Variants in GALNT13 observed in about 807,000 individuals in gnomAD.
The protein encoded by GALNT13 is polypeptide N-acetylgalactosaminyltransferase 13.
Under a neutral mutation model 64.2 loss-of-function variants are expected in GALNT13, and 28 were observed. That is an observed-to-expected ratio of 0.44 (90% CI 0.32 to 0.60). GALNT13 has a LOEUF of 0.60. Ranked by LOEUF, GALNT13 falls within the 20% of genes least tolerant of loss-of-function variation. The pLI is 0.05. For missense variants in GALNT13, 577 were observed against 669.8 expected (o/e 0.86, Z 1.53); for synonymous variants, 214 against 224.6 (o/e 0.95, Z 0.42).
the GALNT13 span, among the ~76,000 whole-genome samples, chr2:153,611,749 T>A: frequency 1.3e-5 from 2 of 149,652 alleles, no homozygotes; most frequent in African/African-American, 2.5e-5. Flanking sequence ...GCAGGTTTGT[T>A]ACATAGGTAT....
chr2:154,389,463 A>T (rs2105348483), intron 9 of GALNT13, among the ~76,000 whole-genome samples: 1 of 152,306 alleles, frequency 6.6e-6, no homozygotes, highest in East Asian at 1.9e-4. Context: ...GAATAAAAAT[A>T]ATTTCCCTTT....
chr2:153,661,225 T>G, the GALNT13 span, among the ~76,000 whole-genome samples: 2 of 152,138 alleles, frequency 1.3e-5, no homozygotes, highest in Non-Finnish European at 2.9e-5. Flanking sequence ...TCACGGAATA[T>G]TATCTTGGCT....
the GALNT13 span, among the ~76,000 whole-genome samples, chr2:153,414,267 C>G: frequency 6.6e-6 from 1 of 151,744 alleles, no homozygotes; most frequent in Non-Finnish European, 1.5e-5. Flanking sequence ...CCCAGCTATT[C>G]AGGAGGCTGA....
At chr2:154,043,169 A>G (rs1699079196) in intron 3 of GALNT13, among the ~76,000 whole-genome samples, 1 of 152,000 alleles carries the variant, frequency 6.6e-6, no homozygotes, top group South Asian at 2.1e-4. Context: ...GTAATGGGTG[A>G]GCACTTGGTA....
intron 3 of GALNT13, among the ~76,000 whole-genome samples, chr2:153,949,392 C>T (rs892481323): frequency 4.0e-5 from 6 of 151,708 alleles, no homozygotes; most frequent in African/African-American, 1.2e-4. Context: ...TAAAATTTCT[C>T]AAGCCAGGCA....
At chr2:153,570,725 A>C in the GALNT13 span, among the ~76,000 whole-genome samples, 140 of 152,210 alleles carry the variant, frequency 9.2e-4, no homozygotes, top group Non-Finnish European at 1.7e-3. Context: ...TCTTTTCTTC[A>C]GTGCAGGTTA....
chr2:153,265,287 G>A, the GALNT13 span, among the ~76,000 whole-genome samples: 1 of 152,134 alleles, frequency 6.6e-6, no homozygotes, highest in Non-Finnish European at 1.5e-5. Context: ...AGCCTTTCAT[G>A]TTTATTTAGG....
chr2:153,810,389 AT>A, the GALNT13 span, among the ~76,000 whole-genome samples: 51 of 152,298 alleles, frequency 3.3e-4, no homozygotes, highest in African/African-American at 1.2e-3. Flanking sequence ...GTCAGATTAA[AT>A]TACTGGTATC....
intron 3 of GALNT13, among the ~76,000 whole-genome samples, chr2:154,006,938 C>T (rs1696292654): frequency 6.6e-6 from 1 of 152,112 alleles, no homozygotes; most frequent in African/African-American, 2.4e-5. Context: ...ATGAGAGGAC[C>T]TATGGATGTG....
At chr2:153,069,359 C>G in the GALNT13 span, among the ~76,000 whole-genome samples, 1 of 152,098 alleles carries the variant, frequency 6.6e-6, no homozygotes, top group Non-Finnish European at 1.5e-5. Flanking sequence ...TCCTCTCGCA[C>G]GCCATCTTAC....
At chr2:153,428,176 C>G in the GALNT13 span, among the ~76,000 whole-genome samples, 1 of 152,122 alleles carries the variant, frequency 6.6e-6, no homozygotes, top group African/African-American at 2.4e-5. Context: ...CTATGTTAGT[C>G]CATTTGCATT....
At chr2:153,927,114 T>G (rs1690198339) in intron 2 of GALNT13, among the ~76,000 whole-genome samples, 1 of 152,076 alleles carries the variant, frequency 6.6e-6, no homozygotes, top group Non-Finnish European at 1.5e-5. Context: ...TAGTTCAAAG[T>G]ATATGATAAT....
chr2:154,033,289 A>G (rs966126563), intron 3 of GALNT13, among the ~76,000 whole-genome samples: 2 of 152,040 alleles, frequency 1.3e-5, no homozygotes, highest in African/African-American at 4.8e-5. Context: ...TACCAAAGTC[A>G]TCATCCATAA....
chr2:153,461,876 C>T, the GALNT13 span, among the ~76,000 whole-genome samples: 1 of 152,096 alleles, frequency 6.6e-6, no homozygotes. Flanking sequence ...AGACTTAACT[C>T]TGAGGAAGAA....
At chr2:154,098,182 AC>A (rs112131583) in intron 3 of GALNT13, among the ~76,000 whole-genome samples, 7,548 of 149,392 alleles carry the variant, frequency 0.051, 370 homozygotes, top group African/African-American at 0.13. Context: ...AACGGCACTG[AC>A]CTGCCATTAC....
the GALNT13 span, among the ~76,000 whole-genome samples, chr2:153,753,286 A>T: frequency 2.6e-5 from 4 of 152,044 alleles, no homozygotes; most frequent in Admixed American, 1.3e-4. Flanking sequence ...GTTTTCCCGG[A>T]TGGTCTTGAT....
chr2:154,421,854 A>G (rs1048831655), intron 11 of GALNT13, among the ~76,000 whole-genome samples: 2 of 152,140 alleles, frequency 1.3e-5, no homozygotes, highest in Admixed American at 6.6e-5. Flanking sequence ...AAGATGTAAT[A>G]TAAATAGGCA....
intron 4 of GALNT13, among the ~76,000 whole-genome samples, chr2:154,233,037 C>CA (rs375484057): frequency 0.11 from 6,414 of 58,444 alleles, 329 homozygotes; most frequent in African/African-American, 0.14. Context: ...GACCCTGTCT[C>CA]AAAAAAAAAA....
At chr2:153,679,070 GAC>G in the GALNT13 span, among the ~76,000 whole-genome samples, 21 of 151,932 alleles carry the variant, frequency 1.4e-4, no homozygotes, top group African/African-American at 4.1e-4. Flanking sequence ...GGTTGTGAGA[GAC>G]AAGCATGAGT....
Sources: allele counts gnomAD v4.1 joint callset (sites outside exome capture counted in the v4.1 genomes callset), GRCh38; gene constraint gnomAD v4.1.1; transcripts MANE v1.5; gene names NCBI Gene and HGNC (gene_info 2026-07-23, HGNC 2026-07-21).